The following ADGRL4 variants were observed in gnomAD, a reference collection of about 807,000 sequenced individuals.
ADGRL4 encodes the protein EGF, latrophilin and seven transmembrane domain containing 1.
ADGRL4 carries 90 observed loss-of-function variants against 74.8 expected under a neutral mutation model. That is an observed-to-expected ratio of 1.20 (90% CI 1.02 to 1.43). The LOEUF is 1.43. ADGRL4 is among the 40% of genes most tolerant of loss of function. The pLI is 0.00. For missense variants in ADGRL4, 881 were observed against 814.3 expected (o/e 1.08, Z -1.00); for synonymous variants, 311 against 279.2 (o/e 1.11, Z -1.14).
chr1:79,006,518 C>A lies in ADGRL4; in HGVS notation c.22+115G>T, dbSNP rs139653008. On this transcript the variant is annotated intron_variant, in intron 1 of 14. Coordinates refer to ENST00000370742, the MANE Select transcript of ADGRL4 (RefSeq NM_022159.4). ...TGAGAAGTACTAAATCAATTCTCCT[C>A]GGAGATTTTGCCAAATACACTTGCC... 4 of 1,206,724 alleles carry A rather than the reference C, an allele frequency of 3.3e-6. No homozygotes were observed. The African/African-American group carries it at 6.4e-5, about 19-fold the overall frequency. 74.8% of individuals were successfully genotyped at this position (1,206,724 alleles called of 1,614,324 possible).
At chr1:78,965,013 T>C (rs1650026605) in intron 2 of ADGRL4, among the ~76,000 whole-genome samples, 1 of 48,032 alleles carries the variant, frequency 2.1e-5, no homozygotes, top group South Asian at 1.2e-3. Context: ...AGACAGTGGC[T>C]GTAAATAGTC....
At chr1:78,941,485 AC>A (rs1649480256) in intron 3 of ADGRL4, among the ~76,000 whole-genome samples, 1 of 152,214 alleles carries the variant, frequency 6.6e-6, no homozygotes, top group South Asian at 2.1e-4. Flanking sequence ...TTCTTTGAAT[AC>A]CCTTGTTTTG....
chr1:78,945,818 TA>T (rs397980602), intron 3 of ADGRL4, among the ~76,000 whole-genome samples: 3 of 127,916 alleles, frequency 2.3e-5, no homozygotes, highest in Non-Finnish European at 5.3e-5. Context: ...AAAGCAGAGG[TA>T]AAACCACTAG....
At chr1:78,960,308 A>C (rs993233969) in intron 2 of ADGRL4, among the ~76,000 whole-genome samples, 3 of 152,208 alleles carry the variant, frequency 2.0e-5, no homozygotes, top group African/African-American at 7.2e-5. Context: ...TTATGATTTT[A>C]TATATGTTTG....
intron 7 of ADGRL4, among the ~76,000 whole-genome samples, chr1:78,928,446 G>T (rs1315792128): frequency 1.3e-5 from 2 of 151,214 alleles, no homozygotes. Context: ...AAAATTAGGG[G>T]TTCATTCACT....
At chr1:79,006,018 A>G (rs528611785) in intron 1 of ADGRL4, among the ~76,000 whole-genome samples, 77 of 152,226 alleles carry the variant, frequency 5.1e-4, no homozygotes, top group Non-Finnish European at 2.1e-4. Flanking sequence ...ACTGATAGGA[A>G]AAAATAAGGA....
intron 2 of ADGRL4, among the ~76,000 whole-genome samples, chr1:78,961,345 G>A (rs1649949408): frequency 1.3e-5 from 2 of 152,088 alleles, no homozygotes; most frequent in Admixed American, 6.5e-5. Context: ...GTTTCACCAT[G>A]TTGGCCAGGA....
At chr1:78,958,686 C>T (rs1430442151) in intron 2 of ADGRL4, among the ~76,000 whole-genome samples, 1 of 152,124 alleles carries the variant, frequency 6.6e-6, no homozygotes, top group Non-Finnish European at 1.5e-5. Flanking sequence ...ATGCTGTGAA[C>T]ACTGTTGAAA....
intron 2 of ADGRL4, among the ~76,000 whole-genome samples, chr1:78,947,519 A>G (rs186847027): frequency 4.6e-5 from 7 of 152,270 alleles, no homozygotes; most frequent in African/African-American, 1.4e-4. Flanking sequence ...TTCTGCTGAC[A>G]CCTTGATTTT....
chr1:78,928,807 G>A (rs539486583), intron 7 of ADGRL4, among the ~76,000 whole-genome samples: 4 of 151,622 alleles, frequency 2.6e-5, no homozygotes, highest in Non-Finnish European at 5.9e-5. Context: ...TCTTTTGAAT[G>A]AAATTAATAG....
intron 12 of ADGRL4, 39 bp downstream of exon 12, chr1:78,917,595 A>G: frequency 7.4e-7 from 1 of 1,360,024 alleles, no homozygotes; most frequent in Non-Finnish European, 1.0e-6. Context: ...TATGATCATC[A>G]CTTTTTTGAA....
At chr1:78,928,338 A>G (rs1649161130) in intron 7 of ADGRL4, among the ~76,000 whole-genome samples, 1 of 151,426 alleles carries the variant, frequency 6.6e-6, no homozygotes. Context: ...TTATTTGTCC[A>G]TTCCCAGGGT....
intron 2 of ADGRL4, among the ~76,000 whole-genome samples, chr1:78,955,510 C>T (rs562837842): frequency 1.3e-5 from 2 of 152,006 alleles, no homozygotes; most frequent in East Asian, 3.9e-4. Flanking sequence ...CATTTATACT[C>T]CTAACATTAT....
chr1:78,922,154 G>A (rs922307622), intron 8 of ADGRL4, among the ~76,000 whole-genome samples: 1 of 152,030 alleles, frequency 6.6e-6, no homozygotes, highest in Non-Finnish European at 1.5e-5. Context: ...AAAGTTGTTT[G>A]CATTGTTGAC....
intron 2 of ADGRL4, among the ~76,000 whole-genome samples, chr1:79,000,195 C>T (rs1650813365): frequency 6.6e-6 from 1 of 152,052 alleles, no homozygotes. Flanking sequence ...GAGGCTTCTA[C>T]TTGAACAAAA....
At chr1:78,903,595 G>T in intron 12 of ADGRL4, among the ~76,000 whole-genome samples, 1 of 152,126 alleles carries the variant, frequency 6.6e-6, no homozygotes, top group East Asian at 1.9e-4. Context: ...ATGTTTAGAA[G>T]TTTCTAGTAA....
chr1:78,993,279 G>C (rs1276924692), intron 2 of ADGRL4, among the ~76,000 whole-genome samples: 1 of 151,890 alleles, frequency 6.6e-6, no homozygotes, highest in Non-Finnish European at 1.5e-5. Context: ...CAAATTTAGG[G>C]CATGATAATA....
At chr1:78,997,024 C>A (rs528060221) in intron 2 of ADGRL4, among the ~76,000 whole-genome samples, 7 of 152,238 alleles carry the variant, frequency 4.6e-5, no homozygotes, top group African/African-American at 1.7e-4. Context: ...CAGGTATGGA[C>A]TCCATTACTG....
intron 2 of ADGRL4, among the ~76,000 whole-genome samples, chr1:78,992,964 A>G (rs1370476582): frequency 1.3e-5 from 2 of 152,126 alleles, no homozygotes; most frequent in Non-Finnish European, 2.9e-5. Context: ...ATCCTGGATA[A>G]TACATTTAGA....
Sources: gnomAD v4.1 joint callset for allele counts (sites outside exome capture counted in the v4.1 genomes callset) on GRCh38, gnomAD v4.1.1 for gene constraint, MANE v1.5 for transcripts, NCBI Gene and HGNC (gene_info 2026-07-23, HGNC 2026-07-21) for gene names.